The following GNAT3 variants were observed in gnomAD, a reference collection of about 807,000 sequenced individuals.
GNAT3 encodes the protein guanine nucleotide-binding protein G(t) subunit alpha-3.
A neutral mutation model predicts 37.7 loss-of-function variants in GNAT3; 31 were observed. That is an observed-to-expected ratio of 0.82 (90% CI 0.62 to 1.11). The LOEUF is 1.11. Among genes scored for constraint, GNAT3 ranks in the 50% most tolerant of loss-of-function variants. The pLI is 0.00. For missense variants in GNAT3, 437 were observed against 412.5 expected (o/e 1.06, Z -0.51); for synonymous variants, 138 against 139.8 (o/e 0.99, Z 0.09).
intron 2 of GNAT3, among the ~76,000 whole-genome samples, chr7:80,489,347 C>A (rs1376507664): frequency 6.6e-6 from 1 of 152,114 alleles, no homozygotes; most frequent in Non-Finnish European, 1.5e-5. Flanking sequence ...ATTTACCTAT[C>A]AAAAGCTAAA....
chr7:80,498,955 C>G (rs948002488), intron 1 of GNAT3, among the ~76,000 whole-genome samples: 5 of 151,922 alleles, frequency 3.3e-5, no homozygotes, highest in Admixed American at 3.3e-4. Flanking sequence ...TTAAATCTAC[C>G]CAATATTTAT....
intron 1 of GNAT3, among the ~76,000 whole-genome samples, chr7:80,497,686 A>T (rs1412360586): frequency 6.7e-6 from 1 of 150,366 alleles, no homozygotes; most frequent in African/African-American, 2.5e-5. Context: ...ATATATACAC[A>T]CACACTGTCT....
chr7:80,478,064 C>G (rs1443126915), intron 4 of GNAT3, among the ~76,000 whole-genome samples: 1 of 152,182 alleles, frequency 6.6e-6, no homozygotes, highest in African/African-American at 2.4e-5. Flanking sequence ...GCACATGCCA[C>G]CACACCTGGC....
chr7:80,493,808 C>T (rs1790656708), intron 2 of GNAT3, among the ~76,000 whole-genome samples: 2 of 118,036 alleles, frequency 1.7e-5, no homozygotes, highest in Admixed American at 8.2e-5. Context: ...CCTCCTCTTT[C>T]CTCCTCCTCC....
intron 1 of GNAT3, among the ~76,000 whole-genome samples, chr7:80,503,999 AG>A (rs1790884156): frequency 1.3e-5 from 2 of 152,206 alleles, no homozygotes; most frequent in African/African-American, 4.8e-5. Flanking sequence ...TATAAAATTG[AG>A]GACTGTTTAG....
chr7:80,488,494 T>G, intron 3 of GNAT3, 41 bp downstream of exon 3: 1 of 1,542,232 alleles, frequency 6.5e-7, no homozygotes, highest in African/African-American at 1.4e-5. Context: ...TGGCTCAAAC[T>G]CTATTGCAGG....
chr7:80,492,176 CAAAAAAA>C (rs71079120), intron 2 of GNAT3, among the ~76,000 whole-genome samples: 3 of 136,336 alleles, frequency 2.2e-5, no homozygotes, highest in African/African-American at 5.2e-5. Context: ...CTAAAAATAC[CAAAAAAA>C]AAAAAAAAAA....
intron 6 of GNAT3, 21 bp from the exon 7 acceptor site, chr7:80,462,333 G>A (rs751571071): frequency 2.1e-5 from 33 of 1,605,168 alleles, no homozygotes; most frequent in Non-Finnish European, 2.8e-5. Flanking sequence ...TCAGAAATGA[G>A]AATGGGTAGG....
chr7:80,501,658 ATAT>A (rs751863915), intron 1 of GNAT3, among the ~76,000 whole-genome samples: 13 of 151,478 alleles, frequency 8.6e-5, no homozygotes, highest in South Asian at 4.2e-4. Context: ...TTTCCTTGTA[ATAT>A]TTTTGTTATT....
chr7:80,460,515 G>T (rs1197330532), intron 7 of GNAT3, among the ~76,000 whole-genome samples: 1 of 152,130 alleles, frequency 6.6e-6, no homozygotes, highest in East Asian at 1.9e-4. Context: ...CACTTTGGGA[G>T]GGCGGATGGA....
At chr7:80,486,655 T>A (rs1239338650) in intron 3 of GNAT3, 5 of 132,932 alleles carry the variant, frequency 3.8e-5, no homozygotes, top group Admixed American at 7.2e-5. Flanking sequence ...TTTTTTTTTT[T>A]ATAGATACAG....
intron 4 of GNAT3, among the ~76,000 whole-genome samples, chr7:80,477,115 C>A (rs968098695): frequency 6.6e-5 from 10 of 152,024 alleles, no homozygotes; most frequent in Non-Finnish European, 8.8e-5. Context: ...GTAAAACATA[C>A]TTTAAGTATT....
chr7:80,505,323 G>T, intron 1 of GNAT3, among the ~76,000 whole-genome samples: 1 of 152,086 alleles, frequency 6.6e-6, no homozygotes, highest in East Asian at 1.9e-4. Flanking sequence ...AAGTATGAGA[G>T]ATAATAGAAT....
chr7:80,506,372 G>A (rs572082846), intron 1 of GNAT3, among the ~76,000 whole-genome samples: 2 of 152,228 alleles, frequency 1.3e-5, no homozygotes, highest in South Asian at 4.1e-4. Context: ...CTTTTAAGAT[G>A]TGCTGATCAA....
intron 1 of GNAT3, among the ~76,000 whole-genome samples, chr7:80,499,193 T>C (rs942117731): frequency 2.6e-5 from 4 of 152,108 alleles, no homozygotes; most frequent in African/African-American, 9.7e-5. Flanking sequence ...ATGAATCCAA[T>C]AGAGATTATG....
At chr7:80,495,595 G>A (rs868694499) in intron 1 of GNAT3, among the ~76,000 whole-genome samples, 21 of 151,766 alleles carry the variant, frequency 1.4e-4, no homozygotes, top group African/African-American at 4.1e-4. Flanking sequence ...TTAGCCTCCC[G>A]AGTACCTGGG....
At chr7:80,501,999 C>G (rs1339464596) in intron 1 of GNAT3, among the ~76,000 whole-genome samples, 4 of 151,830 alleles carry the variant, frequency 2.6e-5, no homozygotes, top group African/African-American at 9.7e-5. Flanking sequence ...TTTAGATATT[C>G]CAACTTTCCA....
At chr7:80,461,476 G>A (rs1039821020) in intron 7 of GNAT3, among the ~76,000 whole-genome samples, 7 of 151,992 alleles carry the variant, frequency 4.6e-5, no homozygotes, top group African/African-American at 1.4e-4. Flanking sequence ...TTGAACCCAC[G>A]AGGCAAAGGC....
chr7:80,481,493 G>GATTCCAA (rs1790391885), intron 3 of GNAT3, among the ~76,000 whole-genome samples: 1 of 152,136 alleles, frequency 6.6e-6, no homozygotes, highest in African/African-American at 2.4e-5. Flanking sequence ...ATAGCAATAA[G>GATTCCAA]ATTCCAAATT....
Sources: allele counts gnomAD v4.1 joint callset (sites outside exome capture counted in the v4.1 genomes callset), GRCh38; gene constraint gnomAD v4.1.1; transcripts MANE v1.5; gene names NCBI Gene and HGNC (gene_info 2026-07-23, HGNC 2026-07-21).